Variants in SLC14A2 observed in about 807,000 individuals in gnomAD.
The protein encoded by SLC14A2 is solute carrier family 14 member 2.
Under a neutral mutation model 104.6 loss-of-function variants are expected in SLC14A2, and 91 were observed. The ratio of observed to expected loss-of-function variants is 0.87; its 90% CI spans 0.73 to 1.04. The LOEUF is 1.04. Ranked by LOEUF, SLC14A2 falls within the 50% of genes least tolerant of loss-of-function variation. SLC14A2 has a pLI of 0.00. For synonymous variants in SLC14A2, 476 were observed against 466.4 expected (o/e 1.02, Z -0.27); for missense variants, 1,189 against 1,156.0 (o/e 1.03, Z -0.41).
At chr18:45,551,914 T>A (rs1322661835) in intron 2 of SLC14A2, among the ~76,000 whole-genome samples, 2 of 152,196 alleles carry the variant, frequency 1.3e-5, no homozygotes, top group African/African-American at 4.8e-5. Context: ...CCTCAGCTGA[T>A]ATTGCCATAA....
At chr18:45,620,739 C>T (rs1310586037) in intron 1 of SLC14A2, among the ~76,000 whole-genome samples, 3 of 152,108 alleles carry the variant, frequency 2.0e-5, no homozygotes, top group Non-Finnish European at 2.9e-5. Flanking sequence ...TACCTGTATA[C>T]TTCAGCCCCA....
At chr18:45,368,783 T>A (rs1160219724) in intron 1 of SLC14A2, among the ~76,000 whole-genome samples, 3 of 152,158 alleles carry the variant, frequency 2.0e-5, no homozygotes, top group Non-Finnish European at 2.9e-5. Flanking sequence ...TTTGCTTCTC[T>A]CCTACCAGTG....
intron 2 of SLC14A2, among the ~76,000 whole-genome samples, chr18:45,511,932 A>G (rs1221399515): frequency 6.6e-6 from 1 of 152,144 alleles, no homozygotes; most frequent in East Asian, 1.9e-4. Context: ...TCAGAGGAGG[A>G]GCAGTGTTTG....
At chr18:45,452,591 T>G (rs2705384) in intron 1 of SLC14A2, among the ~76,000 whole-genome samples, 3 of 152,142 alleles carry the variant, frequency 2.0e-5, no homozygotes, top group Non-Finnish European at 4.4e-5. Context: ...ATTAATTTTA[T>G]GTGTTTATTA....
intron 10 of SLC14A2, chr18:45,646,647 C>T (rs1244405133): frequency 6.6e-6 from 1 of 152,066 alleles, no homozygotes; most frequent in Non-Finnish European, 1.5e-5. Context: ...GCTTTCTTTT[C>T]CCACCAACTC....
chr18:45,661,769 C>T (rs1220204818), intron 10 of SLC14A2, among the ~76,000 whole-genome samples: 2 of 152,204 alleles, frequency 1.3e-5, no homozygotes, highest in Non-Finnish European at 2.9e-5. Flanking sequence ...TGGGAGAACG[C>T]CCCACTTGGT....
intron 1 of SLC14A2, among the ~76,000 whole-genome samples, chr18:45,215,408 T>C (rs2084001071): frequency 6.6e-6 from 1 of 152,154 alleles, no homozygotes; most frequent in Non-Finnish European, 1.5e-5. Context: ...TTTTCCCTTA[T>C]TGAAAGCCCT....
chr18:45,449,475 T>A (rs758906222), intron 1 of SLC14A2, among the ~76,000 whole-genome samples: 1 of 152,178 alleles, frequency 6.6e-6, no homozygotes. Flanking sequence ...ATAAACTTCC[T>A]GCGCCCGGGG....
chr18:45,190,726 C>T, the SLC14A2 span, among the ~76,000 whole-genome samples: 3 of 152,168 alleles, frequency 2.0e-5, no homozygotes, highest in Non-Finnish European at 4.4e-5. Context: ...AAAGCATCCA[C>T]TAAGAGTCAG....
chr18:45,224,740 G>A (rs1229784297), intron 1 of SLC14A2, among the ~76,000 whole-genome samples: 1 of 152,160 alleles, frequency 6.6e-6, no homozygotes, highest in African/African-American at 2.4e-5. Context: ...AAATTAGTTA[G>A]CTTGTCCAAG....
At chr18:45,654,126 G>T (rs2045788628) in intron 10 of SLC14A2, among the ~76,000 whole-genome samples, 1 of 113,470 alleles carries the variant, frequency 8.8e-6, no homozygotes, top group African/African-American at 3.1e-5. Flanking sequence ...ATAGTCTTTT[G>T]GCAGGAATGC....
At chr18:45,575,991 T>C (rs1301415656) in intron 2 of SLC14A2, among the ~76,000 whole-genome samples, 2 of 152,128 alleles carry the variant, frequency 1.3e-5, no homozygotes, top group Admixed American at 1.3e-4. Flanking sequence ...ACTTGAAGGA[T>C]TTCAAATTTT....
rs575865117 is a variant in SLC14A2, at chr18:45,680,051, A to G, written c.2562+1027A>G. Among the ~76,000 whole-genome samples the G allele has an allele frequency of 2.0e-5, 3 of 152,338 alleles. No individual in the cohort carries two copies. The East Asian group carries it at 5.8e-4, about 29-fold the overall frequency. ...AGCAATACTGGATGAATGAAGCCCT[A>G]AGATAGTGAGCCTCTATGACAGGGT... On this transcript the variant is annotated intron_variant, in intron 19 of 19. Transcript: ENST00000255226.
chr18:45,642,110 G>A (rs2045538164), intron 8 of SLC14A2, among the ~76,000 whole-genome samples: 1 of 152,178 alleles, frequency 6.6e-6, no homozygotes, highest in Non-Finnish European at 1.5e-5. Context: ...GCCCCAGCTT[G>A]CCACCAGCTC....
In SLC14A2 at chr18:45,422,730, C is replaced by T. The variant is rs189045966; in HGVS notation, c.-124-60503C>T. ...CTCCATCAATGGAGCCAGAACTTTT[C>T]ATGGCCCAGAAAAGGCAGTTAGAGC... On this transcript the variant is annotated intron_variant, in intron 1 of 20. Transcript: ENST00000586448. Among the ~76,000 whole-genome samples the T allele has an allele frequency of 2.1e-3, 322 of 152,328 alleles. 1 individual carries two copies. The highest frequency in any genetic ancestry group is 2.7e-3 in the Non-Finnish European group (183 of 68,028).
intron 2 of SLC14A2, among the ~76,000 whole-genome samples, chr18:45,507,824 C>T (rs2043308327): frequency 6.6e-6 from 1 of 152,228 alleles, no homozygotes; most frequent in Admixed American, 6.5e-5. Flanking sequence ...CCATCAGACT[C>T]TCTTTGCTTA....
At chr18:45,207,497 AC>A in the SLC14A2 span, among the ~76,000 whole-genome samples, 1 of 151,880 alleles carries the variant, frequency 6.6e-6, no homozygotes, top group African/African-American at 2.4e-5. Flanking sequence ...GGAAAAATAA[AC>A]CTAATAATGT....
chr18:45,220,960 C>A (rs991527276), intron 1 of SLC14A2, among the ~76,000 whole-genome samples: 2 of 152,278 alleles, frequency 1.3e-5, no homozygotes, highest in Non-Finnish European at 2.9e-5. Context: ...CTTTTCTGTG[C>A]CCAAACTTCT....
the SLC14A2 span, among the ~76,000 whole-genome samples, chr18:45,205,550 T>G: frequency 2.7e-4 from 41 of 152,298 alleles, no homozygotes; most frequent in African/African-American, 8.7e-4. Flanking sequence ...TCATTGTTGT[T>G]GTGGTGCTTA....
Sources: allele counts gnomAD v4.1 joint callset (sites outside exome capture counted in the v4.1 genomes callset), GRCh38; gene constraint gnomAD v4.1.1; transcripts MANE v1.5; gene names NCBI Gene and HGNC (gene_info 2026-07-23, HGNC 2026-07-21).